Variants in GALK2 observed in about 807,000 individuals in gnomAD.
GALK2 encodes the protein N-acetylgalactosamine kinase.
GALK2 carries 36 observed loss-of-function variants against 52.4 expected under a neutral mutation model. The ratio of observed to expected loss-of-function variants is 0.69; its 90% CI spans 0.53 to 0.91. The LOEUF is 0.91. GALK2 is among the 40% of genes least tolerant of loss of function. The pLI, the probability that GALK2 is intolerant of heterozygous loss-of-function variation, is 0.00. For synonymous variants in GALK2, 176 were observed against 199.1 expected (o/e 0.88, Z 0.98); for missense variants, 579 against 559.1 (o/e 1.04, Z -0.36).
chr15:49,345,621 C>G (rs2041362701), intron 3 of GALK2, among the ~76,000 whole-genome samples: 1 of 152,158 alleles, frequency 6.6e-6, no homozygotes, highest in Non-Finnish European at 1.5e-5. Context: ...TCTGAATTGG[C>G]CTCATACTTT....
chr15:49,255,635 A>AT (rs1223718112), intron 5 of GALK2, among the ~76,000 whole-genome samples: 19 of 151,780 alleles, frequency 1.3e-4, no homozygotes, highest in Non-Finnish European at 2.4e-4. Flanking sequence ...ACTTAACATT[A>AT]TTTAATACAC....
chr15:49,236,685 G>A (rs552168434), intron 4 of GALK2, among the ~76,000 whole-genome samples: 1 of 152,292 alleles, frequency 6.6e-6, no homozygotes, highest in South Asian at 2.1e-4. Context: ...TTTAGATGTA[G>A]TGACTTGCAT....
At chr15:49,266,702 G>C (rs1459773658) in intron 5 of GALK2, among the ~76,000 whole-genome samples, 1 of 152,192 alleles carries the variant, frequency 6.6e-6, no homozygotes, top group Non-Finnish European at 1.5e-5. Context: ...TCTTCAGCCA[G>C]GTACCCACTC....
At chr15:49,356,475 A>G (rs537503281) in intron 3 of GALK2, among the ~76,000 whole-genome samples, 42 of 150,080 alleles carry the variant, frequency 2.8e-4, no homozygotes, top group South Asian at 2.4e-3. Flanking sequence ...CAAAGATCAA[A>G]AGAGACAAAG....
intron 2 of GALK2, among the ~76,000 whole-genome samples, chr15:49,209,871 C>T (rs767585540): frequency 1.7e-4 from 26 of 152,150 alleles, no homozygotes; most frequent in Non-Finnish European, 2.8e-4. Flanking sequence ...AAGAATTCCC[C>T]GCCTTTCAAT....
Position 49,217,192 on chromosome 15 carries a change from G to T in GALK2, c.145G>T (p.Glu49Ter). 1 of 1,606,072 alleles carries T rather than the reference G, an allele frequency of 6.2e-7. No homozygotes were observed. Among genetic ancestry groups the T allele is most frequent in the South Asian group, 1.1e-5 (1 of 90,440 alleles). Residue 49 changes from glutamate to a stop codon, truncating the protein, a stop_gained and splice_region_variant, in exon 3 of 10, where the codon GAG becomes TAG. Coordinates refer to ENST00000560031, the MANE Select transcript of GALK2 (RefSeq NM_002044.4). LOFTEE classifies it high-confidence loss of function. ...RAPGRVNIIG[E>*]HIDYCGYSVL... ...AAAAAGCTTTCTCTTTTTTCTAGGA[G>T]AGCATATAGATTATTGTGGATATTC...
At chr15:49,303,245 T>C (rs2035264449) in intron 8 of GALK2, among the ~76,000 whole-genome samples, 1 of 152,232 alleles carries the variant, frequency 6.6e-6, no homozygotes. Context: ...ATTCATTGGT[T>C]CACCTTCCCC....
intron 2 of GALK2, among the ~76,000 whole-genome samples, chr15:49,216,373 C>G (rs1045364693): frequency 2.0e-5 from 3 of 152,160 alleles, no homozygotes; most frequent in African/African-American, 7.2e-5. Context: ...TGCTTTACTT[C>G]GACTGAGCTG....
At chr15:49,270,125 G>T (rs1044635286) in intron 5 of GALK2, among the ~76,000 whole-genome samples, 4 of 152,090 alleles carry the variant, frequency 2.6e-5, no homozygotes, top group African/African-American at 9.7e-5. Context: ...TGTACCAAGT[G>T]CCTATTTTCT....
Position 49,329,773 on chromosome 15 carries a change from G to T in GALK2, c.*1614G>T, listed in dbSNP as rs1596185519. The T allele has an allele frequency of 3.2e-6, 3 of 944,286 alleles. No individual in the cohort carries two copies. Among genetic ancestry groups the T allele is most frequent in the African/African-American group, 1.8e-5 (1 of 54,938 alleles). 58.5% of individuals were successfully genotyped at this position (944,286 alleles called of 1,614,324 possible). Reference sequence around the variant, plus strand: ...ATTTTCCACAAAGGATTTGTGGTTGGTATATAATTCTTTAAAGATACCTGG... The same window carrying T: ...ATTTTCCACAAAGGATTTGTGGTTGTTATATAATTCTTTAAAGATACCTGG... On this transcript the variant is annotated 3_prime_UTR_variant, in exon 10 of 10. Coordinates refer to ENST00000560031, the MANE Select transcript of GALK2 (RefSeq NM_002044.4).
chr15:49,219,577 G>A (rs2089641970), intron 3 of GALK2, among the ~76,000 whole-genome samples: 1 of 152,160 alleles, frequency 6.6e-6, no homozygotes, highest in East Asian at 1.9e-4. Flanking sequence ...GGGAGGCTGA[G>A]GTGGATGGAT....
At chr15:49,299,767 CTTTCTTT>C (rs2034908064) in intron 8 of GALK2, among the ~76,000 whole-genome samples, 2 of 119,254 alleles carry the variant, frequency 1.7e-5, no homozygotes, top group Non-Finnish European at 1.8e-5. Flanking sequence ...TTCTTTCTTT[CTTTCTTT>C]CTTTCTTTCT....
At chr15:49,158,294 AG>A (rs1336828385) in intron 1 of GALK2, among the ~76,000 whole-genome samples, 1 of 152,256 alleles carries the variant, frequency 6.6e-6, no homozygotes, top group Non-Finnish European at 1.5e-5. Context: ...AGGCATTTGT[AG>A]TAATGCTGAG....
At chr15:49,333,693 CAAAGTT>C (rs2039212616), downstream of GALK2, among the ~76,000 whole-genome samples, 1 of 152,156 alleles carries the variant, frequency 6.6e-6, no homozygotes, top group African/African-American at 2.4e-5. Flanking sequence ...GTGACTGGCA[CAAAGTT>C]ATAGTCTCCC....
intron 5 of GALK2, among the ~76,000 whole-genome samples, chr15:49,258,693 A>G (rs3959660): frequency 0.99 from 149,748 of 151,966 alleles, 73,789 homozygotes; most frequent in Middle Eastern, 1. Flanking sequence ...TGTAGTGAAA[A>G]AGCAAGTAGA....
At chr15:49,164,484 A>G (rs756489528) in intron 1 of GALK2, among the ~76,000 whole-genome samples, 31 of 152,160 alleles carry the variant, frequency 2.0e-4, no homozygotes, top group Non-Finnish European at 2.5e-4. Flanking sequence ...TTCTAGGTGA[A>G]GAAATAAAAA....
chr15:49,321,808 G>T (rs141249319), intron 9 of GALK2, among the ~76,000 whole-genome samples: 1 of 152,196 alleles, frequency 6.6e-6, no homozygotes, highest in Non-Finnish European at 1.5e-5. Flanking sequence ...GTGTGTGTAC[G>T]TGTGTGTTTG....
At chr15:49,317,738 G>A (rs1455410824) in intron 8 of GALK2, among the ~76,000 whole-genome samples, 1 of 152,162 alleles carries the variant, frequency 6.6e-6, no homozygotes, top group Non-Finnish European at 1.5e-5. Flanking sequence ...CATAAAAAAG[G>A]ATGAGTTCGT....
intron 9 of GALK2, among the ~76,000 whole-genome samples, chr15:49,325,509 A>C (rs1185606227): frequency 1.3e-5 from 2 of 152,240 alleles, no homozygotes; most frequent in Non-Finnish European, 2.9e-5. Context: ...TCGGTCTCCT[A>C]ACTTTCGGTC....
Sources: allele counts gnomAD v4.1 joint callset (sites outside exome capture counted in the v4.1 genomes callset), GRCh38; gene constraint gnomAD v4.1.1; transcripts MANE v1.5; gene names NCBI Gene and HGNC (gene_info 2026-07-23, HGNC 2026-07-21).